The following NHLRC2 variants were observed in gnomAD, a reference collection of about 807,000 sequenced individuals.
NHLRC2 encodes the protein NHL repeat containing 2.
Under a neutral mutation model 68.1 loss-of-function variants are expected in NHLRC2, and 33 were observed. That is an observed-to-expected ratio of 0.48 (90% CI 0.37 to 0.65). The LOEUF is 0.65. NHLRC2 is among the 30% of genes least tolerant of loss of function. The probability of loss-of-function intolerance (pLI) is 0.00; values close to 1 mark genes in which losing one functional copy is unlikely to be tolerated. For missense variants in NHLRC2, 761 were observed against 853.8 expected (o/e 0.89, Z 1.35); for synonymous variants, 311 against 309.6 (o/e 1.00, Z -0.05).
chr10:113,860,933 T>A (rs937667008), intron 2 of NHLRC2, among the ~76,000 whole-genome samples: 52 of 152,236 alleles, frequency 3.4e-4, no homozygotes, highest in African/African-American at 1.2e-3. Context: ...ATATTTTGAC[T>A]TGATGGTGGA....
rs1282900778 is a variant in NHLRC2 at position 113,871,487 on chromosome 10, TAAAC to T, written c.332-5031_332-5028del. Among the ~76,000 whole-genome samples, 3 of 152,378 alleles carry T rather than the reference TAAAC, an allele frequency of 2.0e-5. No homozygotes were observed. The East Asian group carries it at 5.8e-4, about 29-fold the overall frequency. On this transcript the variant is annotated intron_variant, in intron 2 of 10. Transcript: ENST00000369301. Reference sequence around the variant, plus strand: ...CCCACGCCCCACCTCAATTTATTGTTAAACAATAGTAGAGATGGTAGGCATTTTT... The same window carrying T: ...CCCACGCCCCACCTCAATTTATTGTTAATAGTAGAGATGGTAGGCATTTTT...
chr10:113,885,517 G>A (rs895923549), intron 5 of NHLRC2, among the ~76,000 whole-genome samples: 13 of 151,904 alleles, frequency 8.6e-5, no homozygotes, highest in African/African-American at 3.1e-4. Context: ...TAATTTCAGG[G>A]CTAAATCTTC....
intron 4 of NHLRC2, among the ~76,000 whole-genome samples, chr10:113,880,507 A>C (rs1589541445): frequency 6.6e-6 from 1 of 152,056 alleles, no homozygotes; most frequent in Non-Finnish European, 1.5e-5. Flanking sequence ...GAAAATAAGT[A>C]ACCAAGTTCA....
intron 6 of NHLRC2, among the ~76,000 whole-genome samples, chr10:113,899,627 T>A (rs894047593): frequency 6.6e-6 from 1 of 152,098 alleles, no homozygotes; most frequent in Non-Finnish European, 1.5e-5. Flanking sequence ...CGCTGCAAAT[T>A]GAAATTGTTC....
At chr10:113,864,961 T>G (rs565242977) in intron 2 of NHLRC2, among the ~76,000 whole-genome samples, 1 of 151,728 alleles carries the variant, frequency 6.6e-6, no homozygotes, top group East Asian at 2.0e-4. Flanking sequence ...TTTGGTTTTT[T>G]TTTTTTGAGA....
At chr10:113,862,778 A>G (rs72820856) in intron 2 of NHLRC2, among the ~76,000 whole-genome samples, 6 of 152,354 alleles carry the variant, frequency 3.9e-5, no homozygotes, top group Non-Finnish European at 5.9e-5. Flanking sequence ...TGGGATGGCT[A>G]TGCTAGTATC....
intron 2 of NHLRC2, 45 bp downstream of exon 2, chr10:113,858,725 T>C: frequency 2.1e-6 from 3 of 1,429,258 alleles, no homozygotes; most frequent in Non-Finnish European, 2.9e-6. Context: ...CCTGGCATAG[T>C]CACTGGAAGA....
At chr10:113,873,965 C>G (rs1029496835) in intron 2 of NHLRC2, among the ~76,000 whole-genome samples, 2 of 152,022 alleles carry the variant, frequency 1.3e-5, no homozygotes, top group African/African-American at 2.4e-5. Flanking sequence ...TTATCCAAAT[C>G]TTTTTCTTTT....
rs183142489 is a variant in NHLRC2, at chr10:113,903,241, A to T, written c.1495-286A>T. Among the ~76,000 whole-genome samples the T allele has an allele frequency of 2.9e-3, 444 of 152,172 alleles. 1 individual carries two copies. Among genetic ancestry groups the T allele is most frequent in the Non-Finnish European group, 3.6e-3 (242 of 67,974 alleles). On this transcript the variant is annotated intron_variant, in intron 8 of 10. Transcript: ENST00000369301. ...AAGAAAAACAATTCAATAAAAAAAA[A>T]TTTTTTTTAATTCCAGAAATAACTT...
chr10:113,873,178 C>G (rs1254348392), intron 2 of NHLRC2, among the ~76,000 whole-genome samples: 1 of 152,098 alleles, frequency 6.6e-6, no homozygotes, highest in Non-Finnish European at 1.5e-5. Flanking sequence ...TATATCCAAC[C>G]ATTTGTCCTT....
chr10:113,892,643 C>T (rs1326410098), intron 5 of NHLRC2, among the ~76,000 whole-genome samples: 1 of 151,872 alleles, frequency 6.6e-6, no homozygotes, highest in Non-Finnish European at 1.5e-5. Flanking sequence ...TAAATGCCAG[C>T]CCTCTTTTTT....
chr10:113,886,764 A>T (rs945231533), intron 5 of NHLRC2, among the ~76,000 whole-genome samples: 2 of 152,224 alleles, frequency 1.3e-5, no homozygotes, highest in African/African-American at 4.8e-5. Context: ...GAAATGGTAA[A>T]GCTACAAGAA....
At chr10:113,886,478 A>G (rs1222883912) in intron 5 of NHLRC2, among the ~76,000 whole-genome samples, 1 of 152,190 alleles carries the variant, frequency 6.6e-6, no homozygotes, top group East Asian at 1.9e-4. Context: ...ACACTTCCTG[A>G]TTTCAAGCTA....
At chr10:113,862,822 A>G (rs767130212) in intron 2 of NHLRC2, among the ~76,000 whole-genome samples, 3 of 152,170 alleles carry the variant, frequency 2.0e-5, no homozygotes, top group Non-Finnish European at 4.4e-5. Context: ...AAAAGGTTAC[A>G]AGAGACAAAG....
At chr10:113,906,188 C>A (rs1846273675) in intron 10 of NHLRC2, among the ~76,000 whole-genome samples, 1 of 152,124 alleles carries the variant, frequency 6.6e-6, no homozygotes, top group Non-Finnish European at 1.5e-5. Context: ...GAGCAGTGTA[C>A]TAATTTTTAA....
chr10:113,873,232 A>G (rs1417027609), intron 2 of NHLRC2, among the ~76,000 whole-genome samples: 1 of 152,168 alleles, frequency 6.6e-6, no homozygotes, highest in African/African-American at 2.4e-5. Context: ...GAATGTCCCA[A>G]AACTCAGAGA....
chr10:113,876,526 CTTCTTATTATTGGTG>C lies in NHLRC2; in HGVS notation c.341_355del (p.Leu114_Val118del). The C allele has an allele frequency of 1.3e-6, 2 of 1,565,936 alleles. No individual in the cohort carries two copies. The highest frequency in any genetic ancestry group is 1.7e-6 in the Non-Finnish European group (2 of 1,153,804). On this transcript the variant is annotated inframe_deletion, in exon 3 of 11. Transcript: ENST00000369301. ...ATATAATTTTTTCCTTTCAGATGGT[CTTCTTATTATTGGTG>C]TTCACTCGGCTAAGTTTCCAAATGA...
Position 113,914,925 on chromosome 10 carries a change from A to T in NHLRC2, c.*6389A>T, listed in dbSNP as rs1400525405. The T allele has an allele frequency of 2.2e-6, 1 of 453,388 alleles. No individual in the cohort carries two copies. Among genetic ancestry groups the T allele is most frequent in the Non-Finnish European group, 4.4e-6 (1 of 226,034 alleles). 28.1% of individuals were successfully genotyped at this position (453,388 alleles called of 1,614,324 possible). ...CTAACAAACCCTGGCCCCTTTACAT[A>T]TGAGCTCTGGAGGTTCGCCTGGCTG... On this transcript the variant is annotated 3_prime_UTR_variant, in exon 11 of 11. Transcript: ENST00000369301.
chr10:113,911,859 T>C lies in NHLRC2; in HGVS notation c.*3323T>C, dbSNP rs1846332592. ...ATGAAGGAATTATGGATGTTTTTAT[T>C]TTAATTCTACTTTGCTGTTTTTTTT... On this transcript the variant is annotated 3_prime_UTR_variant, in exon 11 of 11. Coordinates refer to ENST00000369301, the MANE Select transcript of NHLRC2 (RefSeq NM_198514.4). 1 of 152,092 alleles carries C rather than the reference T, an allele frequency of 6.6e-6. No homozygotes were observed. Among genetic ancestry groups the C allele is most frequent in the Non-Finnish European group, 1.5e-5 (1 of 67,988 alleles). 9.4% of individuals were successfully genotyped at this position (152,092 alleles called of 1,614,324 possible). A position where few individuals can be genotyped will look rare whatever the true frequency, so the allele number is the denominator to read the frequency against.
Sources: allele counts gnomAD v4.1 joint callset (sites outside exome capture counted in the v4.1 genomes callset), GRCh38; gene constraint gnomAD v4.1.1; transcripts MANE v1.5; gene names NCBI Gene and HGNC (gene_info 2026-07-23, HGNC 2026-07-21).